WDR49: variants seen among roughly 807,000 people sequenced by gnomAD.
WDR49 encodes the protein WD repeat domain 49, also known as cilia- and flagella-associated protein 337.
In WDR49, 107 loss-of-function variants were observed where a neutral mutation model predicts 119.5. That is an observed-to-expected ratio of 0.90 (90% confidence interval 0.77 to 1.05). WDR49 has a LOEUF of 1.05. Among genes scored for constraint, WDR49 ranks in the 50% least tolerant of loss-of-function variants. WDR49 has a pLI of 0.00. For synonymous variants in WDR49, 425 were observed against 418.8 expected (o/e 1.01, Z -0.18); for missense variants, 1,240 against 1,220.5 (o/e 1.02, Z -0.24).
At chr3:167,589,772 G>C (rs1687045870) in intron 7 of WDR49, among the ~76,000 whole-genome samples, 1 of 151,980 alleles carries the variant, frequency 6.6e-6, no homozygotes, top group African/African-American at 2.4e-5. Flanking sequence ...TGTTGATTTT[G>C]TATCCTGCTA....
At chr3:167,571,654 T>C (rs938484030) in intron 8 of WDR49, among the ~76,000 whole-genome samples, 1 of 152,158 alleles carries the variant, frequency 6.6e-6, no homozygotes, top group African/African-American at 2.4e-5. Flanking sequence ...TATTATTGAA[T>C]AGAAAAGTAT....
intron 7 of WDR49, among the ~76,000 whole-genome samples, chr3:167,579,472 T>C (rs969303786): frequency 6.6e-6 from 1 of 152,154 alleles, no homozygotes; most frequent in African/African-American, 2.4e-5. Flanking sequence ...GCTTCTAGCA[T>C]AGGGTAATGT....
chr3:167,648,264 T>G (rs1040227330), intron 2 of WDR49, among the ~76,000 whole-genome samples: 1 of 152,210 alleles, frequency 6.6e-6, no homozygotes, highest in Non-Finnish European at 1.5e-5. Flanking sequence ...TTACTATACT[T>G]GAAAGGTATT....
chr3:167,604,675 G>A (rs555701630), intron 5 of WDR49, among the ~76,000 whole-genome samples: 1 of 152,228 alleles, frequency 6.6e-6, no homozygotes, highest in South Asian at 2.1e-4. Context: ...TCTACATTCT[G>A]ACTTTTCCCC....
intron 7 of WDR49, among the ~76,000 whole-genome samples, chr3:167,594,610 T>C (rs954585172): frequency 1.3e-5 from 2 of 152,106 alleles, no homozygotes; most frequent in Non-Finnish European, 2.9e-5. Context: ...GTTTGGAAAA[T>C]TTGCAACCTA....
chr3:167,518,107 C>G (rs1430470447), intron 16 of WDR49, among the ~76,000 whole-genome samples: 2 of 151,910 alleles, frequency 1.3e-5, no homozygotes, highest in Admixed American at 1.3e-4. Context: ...TGTATATGTG[C>G]CACATTTTCT....
intron 2 of WDR49, among the ~76,000 whole-genome samples, chr3:167,630,772 T>A (rs1045600194): frequency 1.3e-5 from 2 of 152,144 alleles, no homozygotes; most frequent in South Asian, 4.1e-4. Context: ...TCTGCAAACC[T>A]CTGCACAACT....
In WDR49 at chr3:167,576,083, AC is replaced by A; in HGVS notation, c.1343del (p.Ser448IlefsTer25). ...IQRIACSFPKSQDFRCLFHFD... is the reference protein window; with the variant it reads ...IQRIACSFPKXQDFRCLFHFD... ...AGTGGAAGAGACATCTGAAGTCCTG[AC>A]TTTTGGGGAAAGAACAAGCTATCCT... On this transcript the variant is annotated frameshift_variant, in exon 8 of 19. Transcript: ENST00000682715. LOFTEE classifies it high-confidence loss of function. 1 of 1,614,164 alleles carries A rather than the reference AC, an allele frequency of 6.2e-7. No individual in the cohort carries two copies. The highest frequency in any genetic ancestry group is 8.5e-7 in the Non-Finnish European group (1 of 1,180,020).
chr3:167,652,514 A>T (rs910242420), intron 2 of WDR49, among the ~76,000 whole-genome samples: 1 of 152,178 alleles, frequency 6.6e-6, no homozygotes, highest in Non-Finnish European at 1.5e-5. Context: ...ATTCTACGTC[A>T]TGGAAGAGCA....
At position 167,653,399 on chromosome 3, in the gene WDR49, C is replaced by T. The variant is rs1220998356; in HGVS notation, c.27G>A (p.Glu9=). ...GCCCAAGCTGTGACCCTATGTTTAA[C>T]TCAAGTACAGCTTTCTGGCAACTCA... is the stretch of plus-strand genomic sequence containing the variant. MSCQKAVL[E]LNIGSQLGPK... The change falls in exon 2 of 19, where the codon GAG becomes GAA. Residue 9 remains glutamate (E), a synonymous_variant. Transcript: ENST00000682715. The T allele has an allele frequency of 6.5e-7, 1 of 1,529,850 alleles. No individual in the cohort carries two copies. The highest frequency in any genetic ancestry group is 8.7e-7 in the Non-Finnish European group (1 of 1,144,496). 94.8% of individuals were successfully genotyped at this position (1,529,850 alleles called of 1,614,324 possible).
At chr3:167,655,012 T>G (rs967836013), upstream of WDR49, among the ~76,000 whole-genome samples, 37 of 152,158 alleles carry the variant, frequency 2.4e-4, no homozygotes, top group Non-Finnish European at 1.8e-4. Flanking sequence ...TAGTCTGTTT[T>G]CACACTGCTA....
At chr3:167,569,371 T>A (rs1713797161) in intron 8 of WDR49, among the ~76,000 whole-genome samples, 1 of 152,246 alleles carries the variant, frequency 6.6e-6, no homozygotes, top group African/African-American at 2.4e-5. Flanking sequence ...TAGATTTGTG[T>A]ATATTTTATT....
intron 2 of WDR49, among the ~76,000 whole-genome samples, chr3:167,639,112 G>C (rs897703763): frequency 6.6e-6 from 1 of 151,622 alleles, no homozygotes; most frequent in South Asian, 2.1e-4. Context: ...TAGAAACTTG[G>C]GGGAATAAGC....
At chr3:167,615,190 A>G (rs1279319017) in intron 5 of WDR49, among the ~76,000 whole-genome samples, 1 of 152,194 alleles carries the variant, frequency 6.6e-6, no homozygotes, top group Non-Finnish European at 1.5e-5. Context: ...CTTGAGGAGT[A>G]TAGTGGTGAT....
chr3:167,567,180 G>A (rs192486034), intron 8 of WDR49, among the ~76,000 whole-genome samples: 7 of 152,294 alleles, frequency 4.6e-5, no homozygotes, highest in Admixed American at 3.3e-4. Flanking sequence ...TGAATAATCA[G>A]AACGCTTCTG....
chr3:167,580,012 G>C (rs1000268248), intron 7 of WDR49, among the ~76,000 whole-genome samples: 1 of 152,010 alleles, frequency 6.6e-6, no homozygotes, highest in Non-Finnish European at 1.5e-5. Flanking sequence ...ATTGTGTTAA[G>C]TAATTTATAT....
chr3:167,638,463 G>A (rs1717724668), intron 2 of WDR49, among the ~76,000 whole-genome samples: 1 of 151,416 alleles, frequency 6.6e-6, no homozygotes, highest in Non-Finnish European at 1.5e-5. Flanking sequence ...TTAACATGCT[G>A]GTTTCTCATG....
intron 17 of WDR49, among the ~76,000 whole-genome samples, chr3:167,501,494 C>T (rs1300414082): frequency 6.6e-6 from 1 of 151,928 alleles, no homozygotes; most frequent in African/African-American, 2.4e-5. Flanking sequence ...ACAAAAACTC[C>T]GTGGAGTAGA....
intron 16 of WDR49, among the ~76,000 whole-genome samples, chr3:167,508,305 T>C (rs961353352): frequency 3.3e-5 from 5 of 152,206 alleles, no homozygotes; most frequent in African/African-American, 1.2e-4. Context: ...AGAACACTGA[T>C]AAAGTACTAA....
Sources: gnomAD v4.1 joint callset for allele counts (sites outside exome capture counted in the v4.1 genomes callset) on GRCh38, gnomAD v4.1.1 for gene constraint, MANE v1.5 for transcripts, NCBI Gene and HGNC (gene_info 2026-07-23, HGNC 2026-07-21) for gene names.